LAMA2: variants seen among roughly 807,000 people sequenced by gnomAD.
The protein encoded by LAMA2 is laminin subunit alpha 2.
In LAMA2, 269 loss-of-function variants were observed where a neutral mutation model predicts 364.8. That is an observed-to-expected ratio of 0.74 (90% CI 0.67 to 0.82). LAMA2 has a LOEUF of 0.82. Among genes scored for constraint, LAMA2 ranks in the 40% least tolerant of loss-of-function variants. LAMA2 has a pLI of 0.00. For synonymous variants in LAMA2, 1,379 were observed against 1,370.6 expected, an observed-to-expected ratio of 1.01 and a Z score of -0.14; for missense variants, 3,807 against 3,873.2, an observed-to-expected ratio of 0.98 and a Z score of 0.45.
intron 1 of LAMA2, among the ~76,000 whole-genome samples, chr6:128,895,752 G>A (rs1056161840): frequency 3.3e-5 from 5 of 152,170 alleles, no homozygotes; most frequent in Admixed American, 3.3e-4. Flanking sequence ...CTCACATCAG[G>A]AGGGGTCCTT....
At chr6:129,432,508 T>C (rs1465180217) in intron 41 of LAMA2, among the ~76,000 whole-genome samples, 3 of 152,192 alleles carry the variant, frequency 2.0e-5, no homozygotes, top group Admixed American at 6.5e-5. Context: ...TAAAAACTTA[T>C]CTGGGCTTTG....
intron 45 of LAMA2, 42 bp downstream of exon 45, chr6:129,445,863 T>A (rs767069876): frequency 6.4e-7 from 1 of 1,550,640 alleles, no homozygotes; most frequent in Non-Finnish European, 8.9e-7. Flanking sequence ...TGATTGTAAT[T>A]GTTGGATTAT....
chr6:129,472,705 A>T (rs996157627), intron 51 of LAMA2, among the ~76,000 whole-genome samples: 1 of 151,932 alleles, frequency 6.6e-6, no homozygotes, highest in African/African-American at 2.4e-5. Flanking sequence ...TCCTTGTACA[A>T]CATCCCCTTC....
At chr6:128,933,504 T>G (rs573277546) in intron 1 of LAMA2, among the ~76,000 whole-genome samples, 1 of 152,312 alleles carries the variant, frequency 6.6e-6, no homozygotes, top group African/African-American at 2.4e-5. Flanking sequence ...TAATGCTGTT[T>G]TCCATAGTGG....
chr6:128,962,984 A>G (rs1245664555), intron 1 of LAMA2, among the ~76,000 whole-genome samples: 2 of 152,172 alleles, frequency 1.3e-5, no homozygotes, highest in African/African-American at 4.8e-5. Flanking sequence ...TGAGAGATAA[A>G]GATAATTATT....
At chr6:129,089,758 A>G (rs1422002328) in intron 3 of LAMA2, among the ~76,000 whole-genome samples, 1 of 152,210 alleles carries the variant, frequency 6.6e-6, no homozygotes, top group Non-Finnish European at 1.5e-5. Flanking sequence ...TAAAAATGAT[A>G]GCAACTTAAT....
chr6:129,342,612 C>A, intron 30 of LAMA2, 145 bp downstream of exon 30: 2 of 731,190 alleles, frequency 2.7e-6, no homozygotes, highest in Non-Finnish European at 2.2e-6. Context: ...AGAAACATGA[C>A]AAAAGTGAGT....
chr6:129,019,433 A>C (rs1417189517), intron 1 of LAMA2, among the ~76,000 whole-genome samples: 1 of 151,276 alleles, frequency 6.6e-6, no homozygotes, highest in Non-Finnish European at 1.5e-5. Context: ...TGATATTATC[A>C]TTTCTCTCAT....
intron 12 of LAMA2, among the ~76,000 whole-genome samples, chr6:129,215,477 A>C (rs1783368633): frequency 6.6e-6 from 1 of 152,224 alleles, no homozygotes; most frequent in Non-Finnish European, 1.5e-5. Flanking sequence ...TGCCACAAAA[A>C]TGCATTTCTG....
Position 129,200,339 on chromosome 6 carries a change from C to CACATATACATGTGT in LAMA2, c.1782+7486_1782+7487insACATATACATGTGT, listed in dbSNP as rs1562324515. On this transcript the variant is annotated intron_variant, in intron 12 of 64. Transcript: ENST00000421865. ...ATACGTGTACACATATACATATACA[C>CACATATACATGTGT]GTATATGTGTACACATATACATATA... 1.1e-4 allele frequency among the ~76,000 whole-genome samples: 13 copies of CACATATACATGTGT among 116,832 alleles called. 1 individual carries two copies. The highest frequency in any genetic ancestry group is 4.2e-4 in the African/African-American group (10 of 24,070). The allele number at this position is 116,832 out of a possible 152,430, so 76.6% of individuals were successfully genotyped here. A position where few individuals can be genotyped will look rare whatever the true frequency, so the allele number is the denominator to read the frequency against.
intron 1 of LAMA2, among the ~76,000 whole-genome samples, chr6:128,938,397 T>C (rs1053064487): frequency 8.0e-5 from 12 of 150,884 alleles, no homozygotes; most frequent in Admixed American, 5.9e-4. Context: ...GCATGAATTA[T>C]TTTATATGAT....
At chr6:129,251,074 C>CTATATATATA (rs1194499275) in intron 13 of LAMA2, among the ~76,000 whole-genome samples, 11 of 60,530 alleles carry the variant, frequency 1.8e-4, no homozygotes, top group African/African-American at 3.4e-4. Flanking sequence ...CTCTCTCTCT[C>CTATATATATA]TCTATATATA....
At chr6:129,427,459 C>T (rs1183833771) in intron 40 of LAMA2, among the ~76,000 whole-genome samples, 1 of 152,132 alleles carries the variant, frequency 6.6e-6, no homozygotes, top group Admixed American at 6.5e-5. Flanking sequence ...GTTATGCTCT[C>T]CTAATTTCTC....
chr6:128,915,621 G>T (rs1193283177), intron 1 of LAMA2, among the ~76,000 whole-genome samples: 1 of 152,182 alleles, frequency 6.6e-6, no homozygotes, highest in African/African-American at 2.4e-5. Flanking sequence ...CTATTGAAGT[G>T]TGTTTCTCTG....
At chr6:129,459,731 G>T (rs1025649529) in intron 48 of LAMA2, among the ~76,000 whole-genome samples, 1 of 152,044 alleles carries the variant, frequency 6.6e-6, no homozygotes, top group South Asian at 2.1e-4. Flanking sequence ...CTTTGTGTAT[G>T]CATGGCCCAA....
chr6:129,135,974 G>A (rs1451997543), intron 4 of LAMA2, among the ~76,000 whole-genome samples: 1 of 151,688 alleles, frequency 6.6e-6, no homozygotes, highest in Middle Eastern at 3.2e-3. Context: ...AAAATTATTT[G>A]AAAGCATTTA....
chr6:128,906,029 T>C (rs1777439641), intron 1 of LAMA2, among the ~76,000 whole-genome samples: 1 of 150,306 alleles, frequency 6.7e-6, no homozygotes, highest in African/African-American at 2.5e-5. Flanking sequence ...TAATCCAGTC[T>C]ATCGTTGTTG....
chr6:129,146,543 G>A (rs116456766), intron 5 of LAMA2, among the ~76,000 whole-genome samples: 1,648 of 152,032 alleles, frequency 0.011, 29 homozygotes, highest in African/African-American at 0.038. Flanking sequence ...AATCCATCAA[G>A]TAAAACAGTG....
intron 28 of LAMA2, among the ~76,000 whole-genome samples, chr6:129,324,704 G>A (rs1775168713): frequency 6.6e-6 from 1 of 152,158 alleles, no homozygotes. Context: ...TATTGGTACT[G>A]AATACAGTAG....
Sources: allele counts gnomAD v4.1 joint callset (sites outside exome capture counted in the v4.1 genomes callset), GRCh38; gene constraint gnomAD v4.1.1; transcripts MANE v1.5; gene names NCBI Gene and HGNC (gene_info 2026-07-23, HGNC 2026-07-21).